Variants in FRRS1 observed in about 807,000 individuals in gnomAD.
FRRS1 encodes the protein ferric chelate reductase 1.
In FRRS1, 51 loss-of-function variants were observed where a neutral mutation model predicts 70.7. The ratio of observed to expected loss-of-function variants is 0.72; its 90% CI spans 0.58 to 0.91. FRRS1 has a LOEUF of 0.91. Among genes scored for constraint, FRRS1 ranks in the 40% least tolerant of loss-of-function variants. The probability of loss-of-function intolerance (pLI) is 0.00; values close to 1 mark genes in which losing one functional copy is unlikely to be tolerated. For missense variants in FRRS1, 672 were observed against 726.0 expected, an observed-to-expected ratio of 0.93 and a Z score of 0.86; for synonymous variants, 225 against 238.7, an observed-to-expected ratio of 0.94 and a Z score of 0.53.
At chr1:99,748,337 CA>C (rs1450876172) in intron 3 of FRRS1, 2 of 363,214 alleles carry the variant, frequency 5.5e-6, no homozygotes, top group Non-Finnish European at 9.6e-6. Flanking sequence ...AGTGATAGCA[CA>C]ATTAATAAAA....
chr1:99,719,690 C>T (rs770233388), intron 9 of FRRS1, 43 bp from the exon 10 acceptor site: 1 of 1,049,382 alleles, frequency 9.5e-7, no homozygotes, highest in Non-Finnish European at 1.5e-6. Flanking sequence ...AGAATAATTA[C>T]TTCCTCAAAT....
Position 99,704,153 on chromosome 1 carries a change from TCA to T in FRRS1, c.*4873_*4874del, listed in dbSNP as rs1653966481. Among the ~76,000 whole-genome samples, 1 of 152,194 alleles carries T rather than the reference TCA, an allele frequency of 6.6e-6. No homozygotes were observed. The highest frequency in any genetic ancestry group is 2.1e-4 in the South Asian group (1 of 4,828). On this transcript the variant is annotated 3_prime_UTR_variant, in exon 17 of 17. Coordinates refer to ENST00000646001, the MANE Select transcript of FRRS1 (RefSeq NM_001361041.2). ...TTGCTGGCATCACTTCATTGGATCC[TCA>T]CAGCTGCTCTGTGAGATGGGCTTTA...
chr1:99,728,667 C>CCAAAGATTTT, intron 8 of FRRS1, 27 bp from the exon 9 acceptor site: 1 of 1,597,202 alleles, frequency 6.3e-7, no homozygotes, highest in Non-Finnish European at 8.6e-7. Context: ...TGGGTCTTCT[C>CCAAAGATTTT]AGCACTTTCC....
In FRRS1 at chr1:99,716,450, G is replaced by C. The variant is rs557986005; in HGVS notation, c.1237-778C>G. On this transcript the variant is annotated intron_variant, in intron 11 of 16. Coordinates refer to ENST00000646001, the MANE Select transcript of FRRS1 (RefSeq NM_001361041.2). ...AATATCCACATGAGCAGATGAGAGA[G>C]AGAGAGCACAAGAGCAAAGGCACGC... Among the ~76,000 whole-genome samples, 5 of 152,342 alleles carry C rather than the reference G, an allele frequency of 3.3e-5. No homozygotes were observed. The East Asian group carries it at 9.6e-4, about 29-fold the overall frequency.
chr1:99,708,619 AAAAAAAATATATAT>A lies in FRRS1; in HGVS notation c.*395_*408del, dbSNP rs1654116248. The A allele has an allele frequency of 1.2e-5, 1 of 85,144 alleles. No homozygotes were observed. Among genetic ancestry groups the A allele is most frequent in the Admixed American group, 1.3e-4 (1 of 7,778 alleles). 5.3% of individuals were successfully genotyped at this position (85,144 alleles called of 1,614,324 possible). On this transcript the variant is annotated 3_prime_UTR_variant, in exon 17 of 17. Transcript: ENST00000646001. ...TCTCAAAAAAAAAAAAAAAAAAAAA[AAAAAAAATATATAT>A]ATATATATATATATATATATATATA... is the stretch of plus-strand genomic sequence containing the variant.
At chr1:99,713,031 A>C (rs1003662568) in intron 12 of FRRS1, among the ~76,000 whole-genome samples, 2 of 125,794 alleles carry the variant, frequency 1.6e-5, no homozygotes, top group Non-Finnish European at 3.1e-5. Flanking sequence ...AATTATAACC[A>C]TGACTTTAGA....
chr1:99,737,285 T>C (rs1446749448), intron 7 of FRRS1, among the ~76,000 whole-genome samples: 3 of 152,072 alleles, frequency 2.0e-5, no homozygotes, highest in Admixed American at 2.0e-4. Context: ...AAATAAATGC[T>C]GCCTTCTGCT....
chr1:99,733,262 A>G (rs1373191603), intron 7 of FRRS1, among the ~76,000 whole-genome samples: 1 of 152,210 alleles, frequency 6.6e-6, no homozygotes, highest in Non-Finnish European at 1.5e-5. Flanking sequence ...ACAGCAGTCC[A>G]GGAAGCAGAC....
At chr1:99,765,039 A>G (rs1253715156) in intron 1 of FRRS1, among the ~76,000 whole-genome samples, 6 of 152,216 alleles carry the variant, frequency 3.9e-5, no homozygotes, top group African/African-American at 1.4e-4. Flanking sequence ...CTAGCAGACA[A>G]CCTTCAAAAC....
chr1:99,740,258 A>G (rs942978008), intron 6 of FRRS1, among the ~76,000 whole-genome samples: 16 of 152,242 alleles, frequency 1.1e-4, no homozygotes, highest in African/African-American at 3.6e-4. Context: ...TTTTCAAATG[A>G]AAACATATCC....
intron 9 of FRRS1, among the ~76,000 whole-genome samples, chr1:99,721,507 CA>C (rs1279881897): frequency 2.0e-5 from 3 of 150,834 alleles, no homozygotes; most frequent in African/African-American, 7.3e-5. Context: ...AAAATCTAAA[CA>C]AAATAGGTGA....
At position 99,721,242 on chromosome 1, in the gene FRRS1, G is replaced by A. The variant is rs182163727; in HGVS notation, c.1007-1595C>T. Among the ~76,000 whole-genome samples the A allele has an allele frequency of 4.6e-3, 700 of 152,002 alleles. 3 individuals carry two copies. In the Middle Eastern group the frequency reaches 0.061, roughly 13 times the overall value. Reference sequence around the variant, plus strand: ...AAAACTACAAAAATTAGCCGGGTGCGCTGGTGGGCACCTGTAATCCCAGCT... The same window carrying A: ...AAAACTACAAAAATTAGCCGGGTGCACTGGTGGGCACCTGTAATCCCAGCT... On this transcript the variant is annotated intron_variant, in intron 9 of 16. Transcript: ENST00000646001.
Position 99,729,290 on chromosome 1 carries a change from C to T in FRRS1, c.858+360G>A, listed in dbSNP as rs116399449. On this transcript the variant is annotated intron_variant, in intron 8 of 16. Coordinates refer to ENST00000646001, the MANE Select transcript of FRRS1 (RefSeq NM_001361041.2). ...CTTCATCAAATGTGCTCCTCTTTCT[C>T]ACTAGTCAAGAAATTTTGTCACTAA... Among the ~76,000 whole-genome samples the T allele has an allele frequency of 5.0e-3, 751 of 151,128 alleles. 8 individuals carry two copies. Among genetic ancestry groups the T allele is most frequent in the African/African-American group, 0.018 (727 of 40,558 alleles).
intron 1 of FRRS1, among the ~76,000 whole-genome samples, chr1:99,754,847 T>A (rs1400278285): frequency 1.3e-5 from 2 of 152,168 alleles, no homozygotes; most frequent in East Asian, 3.8e-4. Flanking sequence ...AAACGCCAGA[T>A]ATTGTGCTGG....
rs1412999878 is a variant in FRRS1 at position 99,708,169 on chromosome 1, C to T, written c.*859G>A. Among the ~76,000 whole-genome samples, 6 of 152,088 alleles carry T rather than the reference C, an allele frequency of 3.9e-5. No homozygotes were observed. The highest frequency in any genetic ancestry group is 3.9e-4 in the Admixed American group (6 of 15,266). On this transcript the variant is annotated 3_prime_UTR_variant, in exon 17 of 17. Coordinates refer to ENST00000646001, the MANE Select transcript of FRRS1 (RefSeq NM_001361041.2). ...ACTTCTACCTTTACTAGAGAAGTAA[C>T]AAAATACACTGAGCAAAGGATATGT...
At chr1:99,748,499 A>G in intron 3 of FRRS1, 74 bp downstream of exon 3, 1 of 1,128,460 alleles carries the variant, frequency 8.9e-7, no homozygotes, top group Non-Finnish European at 1.3e-6. Context: ...CTTCTAAATC[A>G]AGTAATAATA....
intron 4 of FRRS1, among the ~76,000 whole-genome samples, chr1:99,745,161 C>T (rs1009701758): frequency 1.3e-5 from 2 of 152,142 alleles, no homozygotes; most frequent in African/African-American, 4.8e-5. Flanking sequence ...CAGGCTATCT[C>T]TACTGTTTTG....
intron 4 of FRRS1, among the ~76,000 whole-genome samples, chr1:99,744,723 C>T (rs7540100): frequency 0.49 from 74,678 of 151,352 alleles, 22,354 homozygotes; most frequent in African/African-American, 0.85. Flanking sequence ...GAGGCGGAGG[C>T]TGCGGTGAGC....
chr1:99,711,864 A>G (rs1654287641), intron 14 of FRRS1, among the ~76,000 whole-genome samples: 1 of 152,242 alleles, frequency 6.6e-6, no homozygotes, highest in Non-Finnish European at 1.5e-5. Flanking sequence ...AAATACTAAA[A>G]TAAGTCTTTA....
Sources: gnomAD v4.1 joint callset for allele counts (sites outside exome capture counted in the v4.1 genomes callset) on GRCh38, gnomAD v4.1.1 for gene constraint, MANE v1.5 for transcripts, NCBI Gene and HGNC (gene_info 2026-07-23, HGNC 2026-07-21) for gene names.